Variants in CCDC3 observed in about 807,000 individuals in gnomAD.
CCDC3 encodes coiled-coil domain containing 3.
CCDC3 carries 24 observed loss-of-function variants against 21.4 expected under a neutral mutation model. The ratio of observed to expected loss-of-function variants is 1.12; its 90% confidence interval spans 0.81 to 1.58. The LOEUF (loss-of-function observed/expected upper bound fraction) is 1.58, where lower values mean the gene tolerates loss of function less well. Among genes scored for constraint, CCDC3 ranks in the 40% most tolerant of loss-of-function variants. CCDC3 has a pLI of 0.00. For synonymous variants in CCDC3, 186 were observed against 166.0 expected (o/e 1.12, Z -0.93); for missense variants, 425 against 360.9 (o/e 1.18, Z -1.44).
chr10:12,901,539 C>G (rs1834091874), intron 2 of CCDC3, among the ~76,000 whole-genome samples: 1 of 152,160 alleles, frequency 6.6e-6, no homozygotes, highest in Non-Finnish European at 1.5e-5. Context: ...TCCCAAAGTG[C>G]TGGGAGTACA....
At chr10:13,017,945 C>T (rs762994935) in intron 5 of CCDC3, among the ~76,000 whole-genome samples, 17 of 152,116 alleles carry the variant, frequency 1.1e-4, no homozygotes, top group Non-Finnish European at 2.5e-4. Context: ...ATGTAACTAA[C>T]CGGGCTAAGA....
At position 12,898,343 on chromosome 10, in the gene CCDC3, G is replaced by C. The variant is rs1588994687; in HGVS notation, c.*73C>G. ...AACTCTTACAACCCTTGAAATAGCT[G>C]CATGTACGAAACCTCACTCATTCTC... On this transcript the variant is annotated 3_prime_UTR_variant, in exon 3 of 3. Coordinates refer to ENST00000378825, the MANE Select transcript of CCDC3 (RefSeq NM_031455.4). 7.1e-7 allele frequency: 1 copy of C among 1,412,844 alleles called. No individual in the cohort carries two copies. Among genetic ancestry groups the C allele is most frequent in the East Asian group, 2.3e-5 (1 of 42,840 alleles). 87.5% of individuals were successfully genotyped at this position (1,412,844 alleles called of 1,614,324 possible).
chr10:13,014,968 C>A (rs1836034637), intron 5 of CCDC3, among the ~76,000 whole-genome samples: 1 of 123,468 alleles, frequency 8.1e-6, no homozygotes, highest in Admixed American at 8.5e-5. Context: ...GTAGGAACAA[C>A]TGAAATTGCC....
In CCDC3 at chr10:13,034,105, A is replaced by G. The variant is rs529053460; in HGVS notation, c.-2+15569T>C. The stretch of plus-strand genomic sequence containing the variant: ...TTGGAACCAACCCAGATGTCCATCA[A>G]TGATAGATTAGATTAAGAAAATGTG... On this transcript the variant is annotated intron_variant, in intron 5 of 6. Transcript: ENST00000378839. Among the ~76,000 whole-genome samples the G allele has an allele frequency of 6.6e-5, 10 of 152,322 alleles. No individual in the cohort carries two copies. The South Asian group carries it at 1.7e-3, about 25-fold the overall frequency.
chr10:12,978,410 T>C (rs2131269760), intron 2 of CCDC3, among the ~76,000 whole-genome samples: 1 of 152,364 alleles, frequency 6.6e-6, no homozygotes, highest in African/African-American at 2.4e-5. Flanking sequence ...AGAAATGTGC[T>C]ACTACCCTCC....
At chr10:13,013,430 T>TA (rs1285042006) in intron 5 of CCDC3, among the ~76,000 whole-genome samples, 5 of 152,098 alleles carry the variant, frequency 3.3e-5, no homozygotes, top group African/African-American at 1.2e-4. Flanking sequence ...TAATAATGAA[T>TA]TATAACCCAT....
chr10:12,946,052 C>CAGGAGG (rs1834911927), intron 2 of CCDC3, among the ~76,000 whole-genome samples: 7 of 152,334 alleles, frequency 4.6e-5, no homozygotes, highest in African/African-American at 1.4e-4. Context: ...GATACGTCAT[C>CAGGAGG]ATAGTAGTAT....
chr10:12,989,765 G>C (rs1300897490), intron 2 of CCDC3, among the ~76,000 whole-genome samples: 1 of 152,114 alleles, frequency 6.6e-6, no homozygotes, highest in Non-Finnish European at 1.5e-5. Context: ...ACTATTTTCG[G>C]AATACTACTA....
chr10:12,925,704 GCCATTGTATCTT>G (rs143503878), intron 2 of CCDC3, among the ~76,000 whole-genome samples: 8,479 of 152,306 alleles, frequency 0.056, 250 homozygotes, highest in Non-Finnish European at 0.071. Context: ...TGTGCACACA[GCCATTGTATCTT>G]CTCTAAGTCC....
intron 3 of CCDC3, among the ~76,000 whole-genome samples, chr10:13,090,463 T>A (rs11816927): frequency 0.54 from 82,701 of 152,058 alleles, 22,583 homozygotes; most frequent in East Asian, 0.62. Context: ...CAAATTGTGC[T>A]AGAATTCAGC....
intron 2 of CCDC3, among the ~76,000 whole-genome samples, chr10:12,936,617 C>T (rs1364892105): frequency 6.6e-6 from 1 of 152,226 alleles, no homozygotes; most frequent in African/African-American, 2.4e-5. Flanking sequence ...AGGTTAGATT[C>T]TGGTTGAACA....
At chr10:13,078,395 CT>C (rs1385966769) in intron 3 of CCDC3, among the ~76,000 whole-genome samples, 1 of 152,192 alleles carries the variant, frequency 6.6e-6, no homozygotes, top group Non-Finnish European at 1.5e-5. Context: ...AATAGGAACA[CT>C]TTTATACTGT....
At chr10:12,970,841 G>A (rs1835331002) in intron 2 of CCDC3, among the ~76,000 whole-genome samples, 1 of 150,594 alleles carries the variant, frequency 6.6e-6, no homozygotes, top group African/African-American at 2.4e-5. Flanking sequence ...AGTGAGCTGA[G>A]ATCGCATCAC....
chr10:12,955,592 A>G (rs1308926832), intron 2 of CCDC3, among the ~76,000 whole-genome samples: 1 of 151,986 alleles, frequency 6.6e-6, no homozygotes, highest in African/African-American at 2.4e-5. Context: ...TTGATCTATC[A>G]CCCAGGCTGG....
chr10:12,948,735 T>TTTC (rs1207746467), intron 2 of CCDC3, among the ~76,000 whole-genome samples: 1 of 116,412 alleles, frequency 8.6e-6, no homozygotes, highest in Non-Finnish European at 1.8e-5. Context: ...GCAGTTTTTT[T>TTTC]TTTTTTTTTT....
chr10:12,990,999 C>T (rs1030174940), intron 2 of CCDC3, among the ~76,000 whole-genome samples: 1 of 152,202 alleles, frequency 6.6e-6, no homozygotes, highest in African/African-American at 2.4e-5. Context: ...TGCTCAAATA[C>T]TTGTTGACCA....
At chr10:13,001,716 C>A (rs991300249), upstream of CCDC3, 4 of 445,424 alleles carry the variant, frequency 9.0e-6, no homozygotes, top group Admixed American at 6.0e-5. Context: ...CTCGGCATGC[C>A]CGGCCCTGGC....
At chr10:12,953,048 AC>A (rs1835031075) in intron 2 of CCDC3, among the ~76,000 whole-genome samples, 1 of 152,066 alleles carries the variant, frequency 6.6e-6, no homozygotes, top group South Asian at 2.1e-4. Flanking sequence ...CCGTTTTCAC[AC>A]TGCTGATAAA....
chr10:13,045,017 T>C (rs1291502196), intron 5 of CCDC3, among the ~76,000 whole-genome samples: 2 of 152,180 alleles, frequency 1.3e-5, no homozygotes, highest in Non-Finnish European at 2.9e-5. Context: ...CTAAATGCCA[T>C]AGCAATTTCA....
Sources: allele counts gnomAD v4.1 joint callset (sites outside exome capture counted in the v4.1 genomes callset), GRCh38; gene constraint gnomAD v4.1.1; transcripts MANE v1.5; gene names NCBI Gene and HGNC (gene_info 2026-07-23, HGNC 2026-07-21).